The following TASP1 variants were observed in gnomAD, a reference collection of about 807,000 sequenced individuals.
The protein encoded by TASP1 is threonine aspartase 1.
In TASP1, 16 loss-of-function variants were observed where a neutral mutation model predicts 56.6. That is an observed-to-expected ratio of 0.28 (90% CI 0.19 to 0.43). TASP1 has a LOEUF of 0.43. TASP1 is among the 20% of genes least tolerant of loss of function. The pLI, the probability that TASP1 is intolerant of heterozygous loss-of-function variation, is 1.00. For synonymous variants in TASP1, 179 were observed against 184.2 expected, an observed-to-expected ratio of 0.97 and a Z score of 0.23; for missense variants, 393 against 511.6, an observed-to-expected ratio of 0.77 and a Z score of 2.24.
At chr20:13,432,467 C>T (rs1460100809) in intron 12 of TASP1, among the ~76,000 whole-genome samples, 1 of 152,122 alleles carries the variant, frequency 6.6e-6, no homozygotes, top group Non-Finnish European at 1.5e-5. Context: ...ACTTTGTTTC[C>T]TATCCTTCTA....
the TASP1 span, among the ~76,000 whole-genome samples, chr20:13,113,891 G>T: frequency 6.6e-6 from 1 of 152,170 alleles, no homozygotes; most frequent in African/African-American, 2.4e-5. Flanking sequence ...AACTCACACT[G>T]ACCATGTGTC....
At chr20:13,214,041 C>A in the TASP1 span, among the ~76,000 whole-genome samples, 7 of 152,110 alleles carry the variant, frequency 4.6e-5, no homozygotes, top group Admixed American at 2.6e-4. Flanking sequence ...GTGATTCTCA[C>A]CTGAATCCTG....
the TASP1 span, among the ~76,000 whole-genome samples, chr20:13,251,255 AC>A: frequency 4.6e-5 from 7 of 151,454 alleles, no homozygotes; most frequent in Admixed American, 2.0e-4. Flanking sequence ...ATTCCATCTC[AC>A]CCCCCTTCCA....
At chr20:13,473,323 A>T (rs8123703) in intron 11 of TASP1, among the ~76,000 whole-genome samples, 15,307 of 132,196 alleles carry the variant, frequency 0.12, 1,031 homozygotes, top group East Asian at 0.18. Context: ...AACATCACAC[A>T]CCGGGGCCTG....
At chr20:13,200,530 A>G in the TASP1 span, among the ~76,000 whole-genome samples, 1 of 152,328 alleles carries the variant, frequency 6.6e-6, no homozygotes, top group South Asian at 2.1e-4. Context: ...ACCAGTTCCC[A>G]ACAAAGGAAA....
chr20:13,173,474 T>C, the TASP1 span, among the ~76,000 whole-genome samples: 1 of 152,188 alleles, frequency 6.6e-6, no homozygotes, highest in South Asian at 2.1e-4. Context: ...AGGAAAGATA[T>C]GCTTACTTCT....
At chr20:13,400,915 A>G (rs2041713930) in intron 13 of TASP1, among the ~76,000 whole-genome samples, 1 of 152,256 alleles carries the variant, frequency 6.6e-6, no homozygotes, top group Non-Finnish European at 1.5e-5. Flanking sequence ...TTAAAAAAAC[A>G]TAAACTATAT....
chr20:13,513,662 G>C (rs1033896429), intron 10 of TASP1, among the ~76,000 whole-genome samples: 2 of 152,074 alleles, frequency 1.3e-5, no homozygotes, highest in African/African-American at 2.4e-5. Context: ...TAAATAATAA[G>C]AGTTGCCCAG....
intron 11 of TASP1, among the ~76,000 whole-genome samples, chr20:13,482,707 T>C (rs1311347075): frequency 6.6e-6 from 1 of 152,224 alleles, no homozygotes; most frequent in East Asian, 1.9e-4. Context: ...TAATAACTCA[T>C]AACAATTACG....
chr20:13,456,175 C>A (rs572559904), intron 11 of TASP1, among the ~76,000 whole-genome samples: 1 of 152,122 alleles, frequency 6.6e-6, no homozygotes, highest in Non-Finnish European at 1.5e-5. Context: ...TCAAGAGCAA[C>A]GGTCATGGCA....
At chr20:13,557,572 G>GGT (rs1293106640) in intron 8 of TASP1, among the ~76,000 whole-genome samples, 77 of 99,750 alleles carry the variant, frequency 7.7e-4, no homozygotes, top group Non-Finnish European at 1.2e-3. Flanking sequence ...GATGTTTTTG[G>GGT]TTTTTTTTTT....
intron 4 of TASP1, among the ~76,000 whole-genome samples, chr20:13,623,198 C>A (rs1375384285): frequency 6.6e-6 from 1 of 151,820 alleles, no homozygotes; most frequent in Non-Finnish European, 1.5e-5. Flanking sequence ...AGTATCCAAT[C>A]CTTAACTTTT....
the TASP1 span, among the ~76,000 whole-genome samples, chr20:13,256,295 C>T: frequency 6.7e-6 from 1 of 149,310 alleles, no homozygotes; most frequent in African/African-American, 2.5e-5. Flanking sequence ...ATTCAGGAGG[C>T]TGAGACAGGA....
intron 4 of TASP1, among the ~76,000 whole-genome samples, chr20:13,609,690 A>G (rs1176345816): frequency 6.6e-6 from 1 of 151,002 alleles, no homozygotes; most frequent in African/African-American, 2.4e-5. Flanking sequence ...CTGTCTCAAA[A>G]AAAAAAAAAA....
chr20:13,242,796 G>A, the TASP1 span, among the ~76,000 whole-genome samples: 4 of 152,212 alleles, frequency 2.6e-5, no homozygotes, highest in South Asian at 2.1e-4. Context: ...TTAAGACATC[G>A]GGTTCCTTAC....
chr20:13,159,870 C>A, the TASP1 span: 1 of 1,235,570 alleles, frequency 8.1e-7, no homozygotes, highest in Non-Finnish European at 1.1e-6. Flanking sequence ...CTTCAATCAT[C>A]TTCCACTTAT....
chr20:13,415,137 C>T (rs973645108), intron 13 of TASP1, among the ~76,000 whole-genome samples: 4 of 152,140 alleles, frequency 2.6e-5, no homozygotes, highest in East Asian at 1.9e-4. Context: ...TTCGCTACCA[C>T]GGCTCTCAAC....
intron 1 of TASP1, 76 bp from the exon 2 acceptor site, chr20:13,630,228 G>T: frequency 1.4e-6 from 1 of 730,222 alleles, no homozygotes; most frequent in Non-Finnish European, 2.0e-6. Flanking sequence ...TTCATGCAAA[G>T]ATAATGTTCA....
intron 8 of TASP1, among the ~76,000 whole-genome samples, chr20:13,542,955 C>A (rs8123095): frequency 0.2 from 30,705 of 151,430 alleles, 3,369 homozygotes; most frequent in Middle Eastern, 0.28. Context: ...GGGAAAAAAA[C>A]CAAAGAAAAA....
Sources: allele counts gnomAD v4.1 joint callset (sites outside exome capture counted in the v4.1 genomes callset), GRCh38; gene constraint gnomAD v4.1.1; transcripts MANE v1.5; gene names NCBI Gene and HGNC (gene_info 2026-07-23, HGNC 2026-07-21).